ADAM22: variants seen among roughly 807,000 people sequenced by gnomAD.
ADAM22 encodes disintegrin and metalloproteinase domain-containing protein 22.
Under a neutral mutation model 144.6 loss-of-function variants are expected in ADAM22, and 65 were observed. That is an observed-to-expected ratio of 0.45 (90% CI 0.37 to 0.55). ADAM22 has a LOEUF of 0.55. Among genes scored for constraint, ADAM22 ranks in the 20% least tolerant of loss-of-function variants. The pLI, the probability that ADAM22 is intolerant of heterozygous loss-of-function variation, is 0.00. For synonymous variants in ADAM22, 391 were observed against 412.6 expected, an observed-to-expected ratio of 0.95 and a Z score of 0.63; for missense variants, 974 against 1,184.9, an observed-to-expected ratio of 0.82 and a Z score of 2.61.
At chr7:88,065,568 C>G (rs147464138) in intron 3 of ADAM22, among the ~76,000 whole-genome samples, 1 of 151,990 alleles carries the variant, frequency 6.6e-6, no homozygotes, top group Non-Finnish European at 1.5e-5. Context: ...TAATGTATGC[C>G]TGTTGTCTTT....
At chr7:88,107,784 G>T (rs1466356760) in intron 4 of ADAM22, among the ~76,000 whole-genome samples, 1 of 151,598 alleles carries the variant, frequency 6.6e-6, no homozygotes, top group Non-Finnish European at 1.5e-5. Flanking sequence ...TAGAGACAGG[G>T]TCTTGCTATG....
In ADAM22 at chr7:88,179,082, C is replaced by A; in HGVS notation, c.2448C>A (p.Ser816=). The A allele has an allele frequency of 1.4e-6, 2 of 1,460,508 alleles. No individual in the cohort carries two copies. Among genetic ancestry groups the A allele is most frequent in the Non-Finnish European group, 9.6e-7 (1 of 1,041,028 alleles). The allele number at this position is 1,460,508 out of a possible 1,614,324, so 90.5% of individuals were successfully genotyped here. The part of the protein sequence containing the change: ...FLSHFQISTC[S]ITHYSISQNI... ...CGCATTTTCAGATTTCTACCTGTTCCATCACACATTATTCCATTAGTCAGA... is the reference window on the plus strand; with the variant it reads ...CGCATTTTCAGATTTCTACCTGTTCAATCACACATTATTCCATTAGTCAGA... The change falls in exon 27 of 32, where the codon TCC becomes TCA. Residue 816 remains serine (S), a synonymous_variant. Coordinates refer to ENST00000413139, the MANE Select transcript of ADAM22 (RefSeq NM_001324418.2).
intron 3 of ADAM22, among the ~76,000 whole-genome samples, chr7:88,013,293 C>G (rs546335206): frequency 3.3e-5 from 5 of 152,268 alleles, no homozygotes; most frequent in African/African-American, 1.2e-4. Flanking sequence ...CAAGAAAAGT[C>G]ATTGATTTTT....
intron 3 of ADAM22, among the ~76,000 whole-genome samples, chr7:88,011,551 A>G (rs949923839): frequency 2.6e-4 from 40 of 152,182 alleles, no homozygotes; most frequent in African/African-American, 9.4e-4. Flanking sequence ...AAAAAAAAAA[A>G]AAAAGAAAAA....
rs147274833 is a variant in ADAM22 at position 88,066,247 on chromosome 7, G to A, written c.324-9379G>A. On this transcript the variant is annotated intron_variant, in intron 3 of 31. Transcript: ENST00000413139. ...TAGCATGGTGGCTCAGACCAGGGTGGTGGCAATGGAAATGTTCATATTCTG... is the reference window on the plus strand; with the variant it reads ...TAGCATGGTGGCTCAGACCAGGGTGATGGCAATGGAAATGTTCATATTCTG... Among the ~76,000 whole-genome samples, 425 of 152,206 alleles carry A rather than the reference G, an allele frequency of 2.8e-3. 2 individuals carry two copies. The highest frequency in any genetic ancestry group is 9.7e-3 in the African/African-American group (401 of 41,534).
intron 3 of ADAM22, among the ~76,000 whole-genome samples, chr7:88,029,866 GT>G (rs58661918): frequency 6.6e-6 from 1 of 151,394 alleles, no homozygotes; most frequent in African/African-American, 2.4e-5. Flanking sequence ...CTTCATTGTA[GT>G]TTTTTTTCTC....
At chr7:88,171,646 T>G in intron 26 of ADAM22, 85 bp downstream of exon 26, 1 of 1,228,422 alleles carries the variant, frequency 8.1e-7, no homozygotes, top group African/African-American at 1.6e-5. Flanking sequence ...CAATTATAAT[T>G]AAGTTCACTT....
intron 3 of ADAM22, among the ~76,000 whole-genome samples, chr7:87,982,662 A>G (rs945392545): frequency 8.7e-5 from 4 of 45,954 alleles, no homozygotes; most frequent in Admixed American, 2.6e-4. Flanking sequence ...CATCAGATTC[A>G]GTTATTACAT....
chr7:88,132,595 G>C (rs574598999), intron 11 of ADAM22: 1 of 256,996 alleles, frequency 3.9e-6, no homozygotes, highest in East Asian at 8.5e-5. Context: ...AAGTGATTTT[G>C]TGTCTGTCTC....
At chr7:88,002,589 A>C (rs1792833083) in intron 3 of ADAM22, among the ~76,000 whole-genome samples, 2 of 152,234 alleles carry the variant, frequency 1.3e-5, no homozygotes, top group Admixed American at 6.5e-5. Context: ...GGAAAGAATA[A>C]ATAATAGTTG....
chr7:88,099,517 C>A (rs1822350715), intron 4 of ADAM22, among the ~76,000 whole-genome samples: 1 of 152,138 alleles, frequency 6.6e-6, no homozygotes, highest in Non-Finnish European at 1.5e-5. Flanking sequence ...GAGATTGTCT[C>A]CATCTTCCAA....
At chr7:88,160,262 A>C (rs891902361) in intron 22 of ADAM22, among the ~76,000 whole-genome samples, 2 of 152,186 alleles carry the variant, frequency 1.3e-5, no homozygotes. Flanking sequence ...AGATGCCACA[A>C]ACAAAAGGAA....
rs571923375 is a variant in ADAM22 at position 88,179,343 on chromosome 7, A to C, written c.2495+214A>C. ...TTATATGGCTTAAGAAACTATACAT[A>C]GTATTTAATAATATTTAAATGGTGA... On this transcript the variant is annotated intron_variant, in intron 27 of 31. Coordinates refer to ENST00000413139, the MANE Select transcript of ADAM22 (RefSeq NM_001324418.2). Among the ~76,000 whole-genome samples the C allele has an allele frequency of 1.1e-4, 17 of 152,154 alleles. 1 individual carries two copies. In the South Asian group the frequency reaches 3.3e-3, roughly 30 times the overall value.
At chr7:87,958,342 T>C (rs1303088866) in intron 2 of ADAM22, among the ~76,000 whole-genome samples, 2 of 152,154 alleles carry the variant, frequency 1.3e-5, no homozygotes, top group East Asian at 3.9e-4. Flanking sequence ...TTTTCATCAT[T>C]ATCTGGAACC....
rs937249152 is a variant in ADAM22, at chr7:88,145,067, C to T, written c.1321-58C>T. Reference sequence around the variant, plus strand: ...TTTGGGTATGGCACTTATGGTCTCTCAAAGTCTTTGATGTTGATTTTTCTA... The same window carrying T: ...TTTGGGTATGGCACTTATGGTCTCTTAAAGTCTTTGATGTTGATTTTTCTA... On this transcript the variant is annotated intron_variant, in intron 15 of 31. Transcript: ENST00000413139. 3.3e-6 allele frequency: 5 copies of T among 1,519,120 alleles called. No individual in the cohort carries two copies. The South Asian group carries it at 5.8e-5, about 18-fold the overall frequency. The allele number at this position is 1,519,120 out of a possible 1,614,324, so 94.1% of individuals were successfully genotyped here.
intron 2 of ADAM22, among the ~76,000 whole-genome samples, chr7:87,947,260 A>T (rs1049569911): frequency 6.6e-6 from 1 of 151,258 alleles, no homozygotes; most frequent in Admixed American, 6.6e-5. Context: ...GGGCTACAAA[A>T]ATGTTCTCAC....
intron 4 of ADAM22, among the ~76,000 whole-genome samples, chr7:88,083,608 TGTG>T (rs1817577238): frequency 6.6e-6 from 1 of 150,926 alleles, no homozygotes; most frequent in Non-Finnish European, 1.5e-5. Context: ...TGTGTGTGTG[TGTG>T]TGTGTGTGTG....
intron 3 of ADAM22, among the ~76,000 whole-genome samples, chr7:88,073,605 T>A (rs908545868): frequency 6.6e-6 from 1 of 152,164 alleles, no homozygotes; most frequent in Non-Finnish European, 1.5e-5. Context: ...ATTCACTAAA[T>A]TAATTTAAAG....
chr7:88,031,113 C>G (rs2129469429), intron 3 of ADAM22, among the ~76,000 whole-genome samples: 1 of 135,756 alleles, frequency 7.4e-6, no homozygotes, highest in African/African-American at 2.6e-5. Flanking sequence ...AAGACTCCGT[C>G]TCAAAAACAA....
Sources: gnomAD v4.1 joint callset for allele counts (sites outside exome capture counted in the v4.1 genomes callset) on GRCh38, gnomAD v4.1.1 for gene constraint, MANE v1.5 for transcripts, NCBI Gene and HGNC (gene_info 2026-07-23, HGNC 2026-07-21) for gene names.